LRRIQ1: variants seen among roughly 807,000 people sequenced by gnomAD.
LRRIQ1 encodes the protein leucine rich repeats and IQ motif containing 1, also known as leucine-rich repeat- and IQ domain-containing protein 1.
In LRRIQ1, 210 loss-of-function variants were observed where a neutral mutation model predicts 211.9. That is an observed-to-expected ratio of 0.99 (90% CI 0.89 to 1.11). LRRIQ1 has a LOEUF of 1.11. Ranked by LOEUF, LRRIQ1 falls within the 50% of genes most tolerant of loss-of-function variation. LRRIQ1 has a pLI of 0.00. For missense variants in LRRIQ1, 2,136 were observed against 1,939.5 expected, an observed-to-expected ratio of 1.10 and a Z score of -1.90; for synonymous variants, 699 against 650.1, an observed-to-expected ratio of 1.08 and a Z score of -1.14.
chr12:85,067,601 G>A (rs532144965), intron 10 of LRRIQ1, among the ~76,000 whole-genome samples: 7 of 150,436 alleles, frequency 4.7e-5, no homozygotes, highest in South Asian at 2.1e-4. Context: ...GGCTTGTCTC[G>A]AACTCCTGGA....
At chr12:85,079,368 C>T (rs745693589) in intron 11 of LRRIQ1, among the ~76,000 whole-genome samples, 5 of 147,566 alleles carry the variant, frequency 3.4e-5, no homozygotes, top group African/African-American at 1.0e-4. Flanking sequence ...ATATTACAGG[C>T]GCTCACCACC....
intron 13 of LRRIQ1, among the ~76,000 whole-genome samples, chr12:85,102,959 A>AAAT (rs1458673370): frequency 1.0e-3 from 111 of 108,460 alleles, no homozygotes; most frequent in African/African-American, 3.5e-3. Context: ...AAAAAAAAAA[A>AAAT]ATATATATAT....
At chr12:85,140,406 T>A (rs1034187800) in intron 19 of LRRIQ1, among the ~76,000 whole-genome samples, 2 of 151,318 alleles carry the variant, frequency 1.3e-5, no homozygotes, top group Admixed American at 6.6e-5. Flanking sequence ...TGTTCCTAAG[T>A]ATATATAGAA....
intron 3 of LRRIQ1, among the ~76,000 whole-genome samples, chr12:85,040,850 A>G: frequency 6.6e-6 from 1 of 151,562 alleles, no homozygotes; most frequent in African/African-American, 2.4e-5. Context: ...AATTAATACC[A>G]GACATCCTAT....
downstream of LRRIQ1, chr12:85,245,172 T>A: frequency 2.0e-6 from 1 of 503,080 alleles, no homozygotes; most frequent in Non-Finnish European, 3.1e-6. Flanking sequence ...ACCCTGTGAA[T>A]CATATTGAAT....
chr12:85,113,075 A>G (rs1887302174), intron 15 of LRRIQ1, among the ~76,000 whole-genome samples: 1 of 152,116 alleles, frequency 6.6e-6, no homozygotes, highest in Non-Finnish European at 1.5e-5. Flanking sequence ...CATATGGTCA[A>G]TTCTCAATCC....
chr12:85,257,862 C>T (rs988691349), intron 1 of LRRIQ1, among the ~76,000 whole-genome samples: 1 of 151,680 alleles, frequency 6.6e-6, no homozygotes, highest in Non-Finnish European at 1.5e-5. Context: ...ACATTTGTAG[C>T]GCCACATTCC....
chr12:85,189,743 C>T (rs1371657767), intron 24 of LRRIQ1, among the ~76,000 whole-genome samples: 1 of 146,964 alleles, frequency 6.8e-6, no homozygotes, highest in African/African-American at 2.5e-5. Flanking sequence ...TTTCCTTTTC[C>T]TGGTGGGAAG....
intron 13 of LRRIQ1, among the ~76,000 whole-genome samples, chr12:85,102,960 AT>A (rs369916705): frequency 0.27 from 26,572 of 96,862 alleles, 2,954 homozygotes; most frequent in South Asian, 0.4. Flanking sequence ...AAAAAAAAAA[AT>A]ATATATATAT....
intron 24 of LRRIQ1, among the ~76,000 whole-genome samples, chr12:85,161,371 G>T (rs1366573496): frequency 6.6e-6 from 1 of 151,714 alleles, no homozygotes; most frequent in Non-Finnish European, 1.5e-5. Context: ...ATGTTTTTTA[G>T]TTTTTATACT....
intron 24 of LRRIQ1, among the ~76,000 whole-genome samples, chr12:85,207,121 C>T (rs961917112): frequency 1.3e-5 from 2 of 152,066 alleles, no homozygotes; most frequent in Non-Finnish European, 2.9e-5. Flanking sequence ...ATGAGTGGGT[C>T]ACTTGTCACC....
chr12:85,125,624 A>T (rs982774878), intron 17 of LRRIQ1, among the ~76,000 whole-genome samples: 1 of 152,162 alleles, frequency 6.6e-6, no homozygotes, highest in African/African-American at 2.4e-5. Context: ...GGTAAAGAGT[A>T]ATTTTTATTA....
Position 85,038,203 on chromosome 12 carries a change from A to T in LRRIQ1, c.27A>T (p.Lys9Asn). The T allele has an allele frequency of 6.3e-7, 1 of 1,580,230 alleles. No individual in the cohort carries two copies. Among genetic ancestry groups the T allele is most frequent in the Non-Finnish European group, 8.6e-7 (1 of 1,161,586 alleles). MDDDDAKL[K>N]AEIEAELDKL... ...TGGACGATGATGATGCAAAGCTCAA[A>T]GCAGAAATAGAAGCTGAATTGGATA... The change falls in exon 2 of 27, where the codon AAA becomes AAT. Residue 9 changes from lysine (K) to asparagine (N), a missense_variant. Transcript: ENST00000393217.
At chr12:85,060,308 T>G (rs1881636902) in intron 8 of LRRIQ1, among the ~76,000 whole-genome samples, 1 of 151,990 alleles carries the variant, frequency 6.6e-6, no homozygotes, top group Admixed American at 6.6e-5. Context: ...TGCAGTAATA[T>G]CTCAAAAGAG....
intron 18 of LRRIQ1, among the ~76,000 whole-genome samples, chr12:85,132,144 T>G (rs2136503877): frequency 6.6e-6 from 1 of 152,224 alleles, no homozygotes; most frequent in South Asian, 2.1e-4. Context: ...ATCAATCCTT[T>G]GGCTCATGTC....
chr12:85,061,071 A>G (rs1244169869), intron 8 of LRRIQ1, among the ~76,000 whole-genome samples: 5 of 151,910 alleles, frequency 3.3e-5, no homozygotes, highest in African/African-American at 1.2e-4. Context: ...CTTTATAAGA[A>G]AAAGGAAGTA....
chr12:85,250,927 ATATAT>A (rs1895914629), intron 1 of LRRIQ1, among the ~76,000 whole-genome samples: 1 of 98,642 alleles, frequency 1.0e-5, no homozygotes, highest in African/African-American at 5.0e-5. Context: ...TTTATATATT[ATATAT>A]TATATATAAT....
chr12:85,109,445 T>G (rs1309983723), intron 15 of LRRIQ1, among the ~76,000 whole-genome samples: 1 of 152,172 alleles, frequency 6.6e-6, no homozygotes, highest in African/African-American at 2.4e-5. Context: ...CCAAAAAAGT[T>G]TCTAATAGTA....
intron 11 of LRRIQ1, among the ~76,000 whole-genome samples, chr12:85,088,122 A>T (rs1592770099): frequency 6.6e-6 from 1 of 152,112 alleles, no homozygotes; most frequent in Non-Finnish European, 1.5e-5. Context: ...TAATTTTTGT[A>T]TAAGGTGTGA....
Sources: gnomAD v4.1 joint callset for allele counts (sites outside exome capture counted in the v4.1 genomes callset) on GRCh38, gnomAD v4.1.1 for gene constraint, MANE v1.5 for transcripts, NCBI Gene and HGNC (gene_info 2026-07-23, HGNC 2026-07-21) for gene names.